The following MYLK3 variants were observed in gnomAD, a reference collection of about 807,000 sequenced individuals.
MYLK3 encodes MLC kinase.
In MYLK3, 55 loss-of-function variants were observed where a neutral mutation model predicts 76.3. The ratio of observed to expected loss-of-function variants is 0.72; its 90% confidence interval spans 0.58 to 0.90. MYLK3 has a LOEUF of 0.90. MYLK3 is among the 40% of genes least tolerant of loss of function. The pLI, the probability that MYLK3 is intolerant of heterozygous loss-of-function variation, is 0.00. For synonymous variants in MYLK3, 416 were observed against 425.4 expected, an observed-to-expected ratio of 0.98 and a Z score of 0.27; for missense variants, 973 against 1,053.6, an observed-to-expected ratio of 0.92 and a Z score of 1.06.
intron 1 of MYLK3, among the ~76,000 whole-genome samples, chr16:46,759,258 C>A (rs1273962810): frequency 6.6e-6 from 1 of 152,216 alleles, no homozygotes; most frequent in Non-Finnish European, 1.5e-5. Context: ...CCTGCCTAAG[C>A]AAAGTCAAAT....
chr16:46,751,687 A>C (rs1967127802), upstream of MYLK3, among the ~76,000 whole-genome samples: 1 of 152,334 alleles, frequency 6.6e-6, no homozygotes, highest in Admixed American at 6.5e-5. Context: ...AAGTGAGCAC[A>C]GGGCAGGAAA....
intron 1 of MYLK3, among the ~76,000 whole-genome samples, chr16:46,741,855 C>T (rs1249019239): frequency 1.3e-5 from 2 of 151,740 alleles, no homozygotes; most frequent in African/African-American, 4.8e-5. Flanking sequence ...ACTGCAGCCT[C>T]GACCTTCCAG....
chr16:46,713,736 G>GC (rs1267175168), intron 9 of MYLK3, among the ~76,000 whole-genome samples: 3 of 152,150 alleles, frequency 2.0e-5, no homozygotes, highest in Admixed American at 1.3e-4. Flanking sequence ...TCTCCCCAGT[G>GC]CCACCTGCCC....
intron 7 of MYLK3, 75 bp from the exon 8 acceptor site, chr16:46,727,452 C>A: frequency 6.7e-7 from 1 of 1,488,166 alleles, no homozygotes; most frequent in Non-Finnish European, 9.0e-7. Context: ...CATTATAGGG[C>A]CAAAAGAGGC....
In MYLK3 at chr16:46,737,823, G is replaced by C. The variant is rs768889997; in HGVS notation, c.889C>G (p.Pro297Ala). 4 of 1,613,384 alleles carry C rather than the reference G, an allele frequency of 2.5e-6. No homozygotes were observed. The highest frequency in any genetic ancestry group is 3.4e-6 in the Non-Finnish European group (4 of 1,180,018). The change falls in exon 3 of 13, where the codon CCC becomes GCC. Residue 297 changes from proline (P) to alanine (A), a missense_variant. Around this residue, in one of 2 missense-constraint regions of MYLK3, gnomAD observed 641 missense variants for 637.0 expected, o/e 1.01. Coordinates refer to ENST00000394809, the MANE Select transcript of MYLK3 (RefSeq NM_182493.3). ...GASSSRPDPE[P>A]LEEGTRLTPG... ...GTCAGCCTCGTGCCTTCCTCTAAGGGCTCAGGGTCAGGCCTGCTGGACGAT... is the reference window on the plus strand; with the variant it reads ...GTCAGCCTCGTGCCTTCCTCTAAGGCCTCAGGGTCAGGCCTGCTGGACGAT...
At chr16:46,725,184 G>A (rs917261418) in intron 8 of MYLK3, among the ~76,000 whole-genome samples, 13 of 152,080 alleles carry the variant, frequency 8.5e-5, no homozygotes, top group African/African-American at 2.4e-4. Flanking sequence ...AATCCTAATA[G>A]TCTCCTCTCT....
intron 3 of MYLK3, among the ~76,000 whole-genome samples, chr16:46,734,353 T>G (rs1966859278): frequency 6.6e-6 from 1 of 151,980 alleles, no homozygotes; most frequent in Admixed American, 6.6e-5. Flanking sequence ...GTGGCTCACA[T>G]CTGTAATCCC....
chr16:46,747,999 G>C lies in MYLK3; in HGVS notation c.195C>G (p.His65Gln), dbSNP rs1967060125. ...RDMGHLERGL[H>Q]RLEASRAPGP... ...CCGGTGCCCGGGAGGCCTCCAGCCTGTGCAGGCCCCGCTCCAGGTGGCCCA... is the reference window on the plus strand; with the variant it reads ...CCGGTGCCCGGGAGGCCTCCAGCCTCTGCAGGCCCCGCTCCAGGTGGCCCA... The change falls in exon 1 of 13, where the codon CAC (histidine) becomes CAG (glutamine). Residue 65 changes from histidine (H) to glutamine (Q), a missense_variant. Around this residue, in one of 2 missense-constraint regions of MYLK3, gnomAD observed 641 missense variants for 637.0 expected, o/e 1.01. Coordinates refer to ENST00000394809, the MANE Select transcript of MYLK3 (RefSeq NM_182493.3). 1.2e-6 allele frequency: 2 copies of C among 1,613,562 alleles called. No individual in the cohort carries two copies. The highest frequency in any genetic ancestry group is 1.7e-5 in the Admixed American group (1 of 60,006).
intron 9 of MYLK3, among the ~76,000 whole-genome samples, chr16:46,715,559 G>A (rs1966728295): frequency 6.6e-6 from 1 of 152,162 alleles, no homozygotes; most frequent in Admixed American, 6.5e-5. Context: ...CTGATGAAAT[G>A]GGATCTTTTG....
chr16:46,721,901 G>A (rs1966803677), intron 8 of MYLK3, among the ~76,000 whole-genome samples: 1 of 152,108 alleles, frequency 6.6e-6, no homozygotes, highest in African/African-American at 2.4e-5. Context: ...AGAAGAAAAA[G>A]AAAAAGTCCC....
chr16:46,738,399 A>C (rs1454383251), intron 2 of MYLK3, among the ~76,000 whole-genome samples: 1 of 152,152 alleles, frequency 6.6e-6, no homozygotes. Flanking sequence ...CTCTACTAAA[A>C]ATAAACATTT....
intron 1 of MYLK3, among the ~76,000 whole-genome samples, chr16:46,745,558 AC>A (rs1250627642): frequency 6.6e-6 from 1 of 152,200 alleles, no homozygotes; most frequent in African/African-American, 2.4e-5. Flanking sequence ...AGCCTGGCCA[AC>A]ATGGTGAAAC....
rs1402178534 is a variant in MYLK3, at chr16:46,730,618, C to T, written c.1543G>A (p.Val515Met). The T allele has an allele frequency of 6.2e-7, 1 of 1,613,982 alleles. No homozygotes were observed. Among genetic ancestry groups the T allele is most frequent in the African/African-American group, 1.3e-5 (1 of 74,920 alleles). The change falls in exon 5 of 13, where the codon GTG becomes ATG. Residue 515 changes from valine (V) to methionine (M), a missense_variant. This residue lies in a region of MYLK3 where 332 missense variants were observed against 416.6 expected (regional missense o/e 0.80). Coordinates refer to ENST00000394809, the MANE Select transcript of MYLK3 (RefSeq NM_182493.3). ...CCTCCCAAGACTTCGTGCTGGCACA[C>T]CTCGTAACCCGCAGAGATGGAGGTC... ...KETSISAGYEVCQHEVLGGGR... is the reference protein window; with the variant it reads ...KETSISAGYEMCQHEVLGGGR...
At chr16:46,729,889 T>C (rs1966849023) in intron 5 of MYLK3, 2 of 606,910 alleles carry the variant, frequency 3.3e-6, no homozygotes, top group African/African-American at 3.7e-5. Context: ...ACCCAGGCCA[T>C]TCCACATCCC....
chr16:46,734,227 T>C (rs1966858914), intron 3 of MYLK3, among the ~76,000 whole-genome samples: 1 of 152,162 alleles, frequency 6.6e-6, no homozygotes, highest in South Asian at 2.1e-4. Flanking sequence ...AGAATACTAT[T>C]CAGCCTTAAA....
chr16:46,738,061 G>C lies in MYLK3; in HGVS notation c.651C>G (p.Ala217=). The change falls in exon 3 of 13, where the codon GCC becomes GCG. Residue 217 remains alanine (A), a synonymous_variant. Transcript: ENST00000394809. ...IRASGLGADP[A]QAVVSPGQGD... ...CCTGGCCCGGTGAGACCACTGCCTG[G>C]GCGGGGTCAGCTCCCAGCCCTGACG... is the stretch of plus-strand genomic sequence containing the variant. 3 of 1,606,994 alleles carry C rather than the reference G, an allele frequency of 1.9e-6. No homozygotes were observed. Among genetic ancestry groups the C allele is most frequent in the Non-Finnish European group, 2.5e-6 (3 of 1,177,824 alleles).
At chr16:46,736,951 T>C (rs1334599927) in intron 3 of MYLK3, among the ~76,000 whole-genome samples, 1 of 152,188 alleles carries the variant, frequency 6.6e-6, no homozygotes, top group Non-Finnish European at 1.5e-5. Flanking sequence ...CAGGCTGCGT[T>C]CTAGGGGCAG....
At chr16:46,725,523 A>G (rs775194246) in intron 8 of MYLK3, among the ~76,000 whole-genome samples, 152 of 152,224 alleles carry the variant, frequency 1.0e-3, no homozygotes, top group Non-Finnish European at 1.5e-3. Context: ...CTCATCTATT[A>G]AAATGATTAC....
chr16:46,707,807 T>A, intron 12 of MYLK3, 44 bp from the exon 13 acceptor site: 1 of 1,426,306 alleles, frequency 7.0e-7, no homozygotes, highest in South Asian at 1.2e-5. Context: ...AGCATGTATT[T>A]TAGACCAGTT....
Sources: allele counts gnomAD v4.1 joint callset (sites outside exome capture counted in the v4.1 genomes callset), GRCh38; gene constraint gnomAD v4.1.1; regional missense constraint gnomAD v4.1.1; transcripts MANE v1.5; gene names NCBI Gene and HGNC (gene_info 2026-07-23, HGNC 2026-07-21).